The following CACNA1F variants were observed in gnomAD, a reference collection of about 807,000 sequenced individuals.
The protein encoded by CACNA1F is calcium voltage-gated channel subunit alpha1 F, also known as voltage-dependent L-type calcium channel subunit alpha-1F.
A neutral mutation model predicts 143.8 loss-of-function variants in CACNA1F; 59 were observed. The ratio of observed to expected loss-of-function variants is 0.41; its 90% CI spans 0.33 to 0.51. The LOEUF (loss-of-function observed/expected upper bound fraction) is 0.51. Among genes scored for constraint, CACNA1F ranks in the 20% least tolerant of loss-of-function variants. The pLI is 0.22. For synonymous variants in CACNA1F, 643 were observed against 649.1 expected (o/e 0.99, Z 0.14); for missense variants, 1,411 against 1,647.5 (o/e 0.86, Z 2.48).
chrX:49,232,499 A>C (rs1411718227), intron 1 of CACNA1F, among the ~76,000 whole-genome samples: 4 of 111,818 alleles, frequency 3.6e-5, no homozygotes, highest in African/African-American at 1.3e-4. Flanking sequence ...TTAAATCCTG[A>C]CTTTACCACT....
intron 39 of CACNA1F, 100 bp from the exon 40 acceptor site, chrX:49,210,142 G>T: frequency 2.0e-5 from 14 of 689,224 alleles, no homozygotes; most frequent in Non-Finnish European, 3.3e-5. Context: ...TGCTACCGCA[G>T]ATGCACACCG....
At chrX:49,233,171 T>G in intron 1 of CACNA1F, 114 bp downstream of exon 1, 1 of 670,542 alleles carries the variant, frequency 1.5e-6, no homozygotes, top group Non-Finnish European at 2.3e-6. Context: ...AACAGGGTGA[T>G]GTGGTTCTTG....
chrX:49,230,409 G>A lies in CACNA1F; in HGVS notation c.665-37C>T, dbSNP rs781903254. ...GAGGGGGAGGCAGAAATAAGGGCGGGGTCAGCTCAGCCCCACCCCCACCCT... is the reference window on the plus strand; with the variant it reads ...GAGGGGGAGGCAGAAATAAGGGCGGAGTCAGCTCAGCCCCACCCCCACCCT... On this transcript the variant is annotated intron_variant, in intron 5 of 47. Transcript: ENST00000323022. 6 of 1,206,911 alleles carry A rather than the reference G, an allele frequency of 5.0e-6. No homozygotes were observed. The Admixed American group carries it at 1.3e-4, about 26-fold the overall frequency.
At position 49,207,590 on chromosome X, in the gene CACNA1F, T is replaced by G. The variant is rs1161408035; in HGVS notation, c.5124-478A>C. The stretch of plus-strand genomic sequence containing the variant: ...GGACTACAGGCATGTGCCACCATGC[T>G]CGGCTATTTTTTTATTTTTTGTATG... On this transcript the variant is annotated intron_variant, in intron 43 of 47. Coordinates refer to ENST00000323022, the MANE Select transcript of CACNA1F (RefSeq NM_001256789.3). 3.7e-5 allele frequency among the ~76,000 whole-genome samples: 4 copies of G among 108,973 alleles called. No homozygotes were observed. The East Asian group carries it at 1.2e-3, about 32-fold the overall frequency. 94.6% of individuals were successfully genotyped at this position (108,973 alleles called of 115,157 possible).
intron 19 of CACNA1F, 144 bp from the exon 20 acceptor site, chrX:49,219,934 T>C: frequency 2.0e-6 from 1 of 500,414 alleles, no homozygotes; most frequent in Non-Finnish European, 3.6e-6. Context: ...CTGTTTTGTA[T>C]GCTGCTATGT....
rs2065786367 is a variant in CACNA1F at position 49,222,807 on chromosome X, A to G, written c.2117T>C (p.Met706Thr). ...ACCATATGCCATGATACCATCATAC[A>G]TGACCACGTTCCAGTCCTCACCTGT... ...ILTGEDWNVVMYDGIMAYGGP... is the reference protein window; with the variant it reads ...ILTGEDWNVVTYDGIMAYGGP... The change falls in exon 16 of 48, where the codon ATG (methionine) becomes ACG (threonine). Residue 706 changes from methionine to threonine, a missense_variant. Transcript: ENST00000323022. The G allele has an allele frequency of 2.5e-6, 3 of 1,209,087 alleles. No individual in the cohort carries two copies. Among genetic ancestry groups the G allele is most frequent in the Non-Finnish European group, 3.4e-6 (3 of 894,822 alleles).
intron 6 of CACNA1F, among the ~76,000 whole-genome samples, chrX:49,229,235 C>A (rs782556088): frequency 9.0e-6 from 1 of 111,364 alleles, no homozygotes; most frequent in East Asian, 2.8e-4. Context: ...CAGCTCACTG[C>A]AACCTCCATC....
intron 14 of CACNA1F, among the ~76,000 whole-genome samples, chrX:49,224,145 G>A (rs2065802050): frequency 9.0e-6 from 1 of 110,965 alleles, no homozygotes; most frequent in African/African-American, 3.3e-5. Flanking sequence ...TGGAGTTAAG[G>A]GTAAGTTGTG....
rs147312871 is a variant in CACNA1F at position 49,215,438 on chromosome X, C to T, written c.3342G>A (p.Ala1114=). 1.2e-5 allele frequency: 15 copies of T among 1,204,114 alleles called. No individual in the cohort carries two copies. Among genetic ancestry groups the T allele is most frequent in the East Asian group, 3.0e-5 (1 of 33,700 alleles). The change falls in exon 28 of 48, where the codon GCG becomes GCA. Residue 1114 remains alanine (A), a synonymous_variant. Coordinates refer to ENST00000323022, the MANE Select transcript of CACNA1F (RefSeq NM_001256789.3). ...CCACGAAGATGTTCATCATGAAGAA[C>T]GCAATGATGATGATGTAGACAATGA... The part of the protein sequence containing the change: ...VFFIVYIIII[A]FFMMNIFVGF...
rs782177944 is a variant in CACNA1F, at chrX:49,205,782, C to T, written c.5504G>A (p.Arg1835Gln). Residue 1835 changes from arginine to glutamine, a missense_variant, in exon 47 of 48, where the codon CGG becomes CAG. Arg to Gln is a conservative substitution (Grantham distance 43, BLOSUM62 1). Around this residue, in one of 3 missense-constraint regions of CACNA1F, gnomAD observed 349 missense variants for 350.2 expected, o/e 1.00. Transcript: ENST00000323022. ...CAACAACAGCGGGGCATACAGGAGC[C>T]GACCCCGCTGAGGTGGTGTTGCCCA... ...GSWATPPQRG[R>Q]LLYAPLLLVE... 47 of 1,201,460 alleles carry T rather than the reference C, an allele frequency of 3.9e-5. No individual in the cohort carries two copies. The highest frequency in any genetic ancestry group is 4.0e-5 in the Non-Finnish European group (36 of 891,051).
chrX:49,212,187 C>G, intron 34 of CACNA1F, 56 bp downstream of exon 34: 1 of 1,056,260 alleles, frequency 9.5e-7, no homozygotes, highest in Non-Finnish European at 1.3e-6. Flanking sequence ...TATTCTTAAC[C>G]CATCCCCTGC....
In CACNA1F at chrX:49,206,629, G is replaced by T; in HGVS notation, c.5360-6C>A. On this transcript the variant is annotated splice_region_variant and splice_polypyrimidine_tract_variant and intron_variant, in intron 45 of 47. Coordinates refer to ENST00000323022, the MANE Select transcript of CACNA1F (RefSeq NM_001256789.3). ...GGTGAAGGAGGGCTTCCGACCTGGG[G>T]GTGGGTGGGGCACCAGGGGCAAATA... The T allele has an allele frequency of 8.3e-7, 1 of 1,204,138 alleles. No individual in the cohort carries two copies. The highest frequency in any genetic ancestry group is 1.8e-5 in the South Asian group (1 of 56,802).
At chrX:49,208,032 GAA>G (rs782291802) in intron 43 of CACNA1F, among the ~76,000 whole-genome samples, 17 of 86,257 alleles carry the variant, frequency 2.0e-4, no homozygotes, top group African/African-American at 4.6e-4. Flanking sequence ...CGTCTCTACT[GAA>G]AAAAAAAAAA....
chrX:49,227,220 G>T, intron 8 of CACNA1F, 93 bp from the exon 9 acceptor site: 1 of 714,744 alleles, frequency 1.4e-6, no homozygotes, highest in Non-Finnish European at 2.1e-6. Flanking sequence ...GCTACTCTTT[G>T]AATATGCCAA....
chrX:49,209,281 T>C lies in CACNA1F; in HGVS notation c.4934A>G (p.Lys1645Arg), dbSNP rs956965727. Reference protein sequence around the residue: ...GQEGVEEEDEKDLETNKATMV... With the variant: ...GQEGVEEEDERDLETNKATMV... The stretch of plus-strand genomic sequence containing the variant: ...CCCCACTTTGTTAGTTTCCAAGTCC[T>C]TTTCATCTTCCTCCTCCACTCCCTC... Residue 1645 changes from lysine to arginine, a missense_variant, in exon 42 of 48, where the codon AAG (lysine) becomes AGG (arginine). This residue lies in a region of CACNA1F where 349 missense variants were observed against 350.2 expected (regional missense o/e 1.00). Transcript: ENST00000323022. 8.3e-7 allele frequency: 1 copy of C among 1,200,196 alleles called. No homozygotes were observed. The highest frequency in any genetic ancestry group is 1.1e-6 in the Non-Finnish European group (1 of 886,806).
chrX:49,209,801 C>G, intron 40 of CACNA1F, 42 bp from the exon 41 acceptor site: 2 of 1,204,154 alleles, frequency 1.7e-6, no homozygotes, highest in Non-Finnish European at 2.2e-6. Flanking sequence ...CAGGGGCCCT[C>G]TGACCCAGCC....
rs1557111456 is a variant in CACNA1F, at chrX:49,231,855, G to C, written c.98C>G (p.Pro33Arg). ...CCCACTGCTTTCACCTTCCACAGCT[G>C]GGGGCCCGGGGCACAGCCCCCATTC... The part of the protein sequence containing the change: ...GPEWGLCPGP[P>R]AVEGESSGAS... The change falls in exon 2 of 48, where the codon CCA (proline) becomes CGA (arginine). Residue 33 changes from proline (P) to arginine (R), a missense_variant. By Grantham distance (103) the Pro-to-Arg change is moderately radical. Coordinates refer to ENST00000323022, the MANE Select transcript of CACNA1F (RefSeq NM_001256789.3). The C allele has an allele frequency of 8.4e-7, 1 of 1,187,082 alleles. No individual in the cohort carries two copies. Among genetic ancestry groups the C allele is most frequent in the Admixed American group, 2.4e-5 (1 of 41,518 alleles).
In CACNA1F at chrX:49,226,203, C is replaced by A; in HGVS notation, c.1490+14G>T. ...GTTATGGAGTCAAGGATTTGCACAA[C>A]TTTCCCAACTCACCAGACTCTGGTT... On this transcript the variant is annotated intron_variant, in intron 12 of 47. Transcript: ENST00000323022. The A allele has an allele frequency of 1.7e-6, 2 of 1,203,282 alleles. No homozygotes were observed. The highest frequency in any genetic ancestry group is 2.3e-6 in the Non-Finnish European group (2 of 887,685).
chrX:49,216,276 C>G, intron 27 of CACNA1F, 106 bp downstream of exon 27: 1 of 855,308 alleles, frequency 1.2e-6, no homozygotes, highest in Admixed American at 2.5e-5. Context: ...GAGAGACCTT[C>G]GTCACATCCC....
Sources: allele counts gnomAD v4.1 joint callset (sites outside exome capture counted in the v4.1 genomes callset), GRCh38; gene constraint gnomAD v4.1.1; regional missense constraint gnomAD v4.1.1; transcripts MANE v1.5; gene names NCBI Gene and HGNC (gene_info 2026-07-23, HGNC 2026-07-21).